The following FCAMR variants were observed in gnomAD, a reference collection of about 807,000 sequenced individuals.
FCAMR encodes the protein high affinity immunoglobulin alpha and immunoglobulin mu Fc receptor.
In FCAMR, 51 loss-of-function variants were observed where a neutral mutation model predicts 52.2. That is an observed-to-expected ratio of 0.98 (90% CI 0.78 to 1.23). FCAMR has a LOEUF of 1.23. FCAMR is among the 50% of genes most tolerant of loss of function. The pLI, the probability that FCAMR is intolerant of heterozygous loss-of-function variation, is 0.00. For synonymous variants in FCAMR, 282 were observed against 262.0 expected, an observed-to-expected ratio of 1.08 and a Z score of -0.74; for missense variants, 719 against 712.6, an observed-to-expected ratio of 1.01 and a Z score of -0.10.
chr1:206,961,656 T>C (rs1194860976), intron 5 of FCAMR, among the ~76,000 whole-genome samples: 1 of 152,258 alleles, frequency 6.6e-6, no homozygotes, highest in African/African-American at 2.4e-5. Flanking sequence ...CCTCCTGTCA[T>C]GCTGTCTCCT....
chr1:206,962,548 G>T lies in FCAMR; in HGVS notation c.317C>A (p.Pro106Gln). Residue 106 changes from proline to glutamine, a missense_variant, in exon 5 of 8, where the codon CCA (proline) becomes CAA (glutamine). Pro to Gln is a moderately conservative substitution (Grantham distance 76). Coordinates refer to ENST00000324852, the MANE Select transcript of FCAMR (RefSeq NM_001170631.2). The part of the protein sequence containing the change: ...CWREESSFAA[P>Q]NSLKGSRLVS... ...CAGCCTTGAGCCCTTCAATGAATTT[G>T]GAGCTGCAGACAGAGAAGGAAGTCA... 1 of 1,546,676 alleles carries T rather than the reference G, an allele frequency of 6.5e-7. No homozygotes were observed. Among genetic ancestry groups the T allele is most frequent in the Non-Finnish European group, 8.8e-7 (1 of 1,142,084 alleles).
chr1:206,962,224 G>T lies in FCAMR; in HGVS notation c.641C>A (p.Thr214Asn). ...CCGTCAGCTCATACCTGCAGAGATG[G>T]TCAGATTCATGCTTAAGAACAGCAT... Reference protein sequence around the residue: ...NNMLFLSMNLTISAGPASTLP... With the variant: ...NNMLFLSMNLNISAGPASTLP... Residue 214 changes from threonine (T) to asparagine (N), a missense_variant, in exon 5 of 8, where the codon ACC becomes AAC. By Grantham distance (65) the Thr-to-Asn change is moderately conservative (BLOSUM62 0). Transcript: ENST00000324852. 1.2e-6 allele frequency: 2 copies of T among 1,614,046 alleles called. No individual in the cohort carries two copies. The highest frequency in any genetic ancestry group is 1.3e-5 in the African/African-American group (1 of 75,030).
intron 1 of FCAMR, chr1:206,969,208 C>A: frequency 2.4e-6 from 1 of 424,122 alleles, no homozygotes; most frequent in Non-Finnish European, 4.8e-6. Flanking sequence ...ATGTTGGGGC[C>A]AAAGTCTCTG....
Position 206,958,205 on chromosome 1 carries a change from G to A in FCAMR, c.*311C>T. On this transcript the variant is annotated 3_prime_UTR_variant, in exon 8 of 8. Transcript: ENST00000324852. Reference sequence around the variant, plus strand: ...TAGGGGATTTGTCACTTTCCACACTGATTGGAAGCCTCTTCTATTTTCAAA... The same window carrying A: ...TAGGGGATTTGTCACTTTCCACACTAATTGGAAGCCTCTTCTATTTTCAAA... 3.7e-6 allele frequency: 1 copy of A among 266,776 alleles called. No individual in the cohort carries two copies. Among genetic ancestry groups the A allele is most frequent in the Non-Finnish European group, 7.1e-6 (1 of 141,762 alleles). 16.5% of individuals were successfully genotyped at this position (266,776 alleles called of 1,614,324 possible).
chr1:206,968,062 G>A (rs536147555), intron 1 of FCAMR, among the ~76,000 whole-genome samples: 15 of 152,308 alleles, frequency 9.8e-5, no homozygotes, highest in Admixed American at 2.6e-4. Context: ...GATTGTGGCC[G>A]GGCACAGTGG....
Position 206,958,562 on chromosome 1 carries a change from G to A in FCAMR, c.1688C>T (p.Pro563Leu). Residue 563 changes from proline to leucine, a missense_variant, in exon 8 of 8, where the codon CCT becomes CTT. By Grantham distance (98) the Pro-to-Leu change is moderately conservative. Transcript: ENST00000324852. ...ERKMLQDDSLPAGASLTAPER... is the reference protein window; with the variant it reads ...ERKMLQDDSLLAGASLTAPER... ...TGGGGCAGTCAGGCTGGCCCCAGCA[G>A]GAAGAGAGTCATCCTGGAGCATCTT... 6.2e-7 allele frequency: 1 copy of A among 1,613,408 alleles called. No individual in the cohort carries two copies. Among genetic ancestry groups the A allele is most frequent in the Non-Finnish European group, 8.5e-7 (1 of 1,179,934 alleles).
intron 1 of FCAMR, among the ~76,000 whole-genome samples, chr1:206,968,355 G>C (rs1426297988): frequency 1.3e-5 from 2 of 151,276 alleles, no homozygotes; most frequent in Non-Finnish European, 3.0e-5. Context: ...CAACAAAAAA[G>C]ACAGAGATTG....
intron 6 of FCAMR, chr1:206,960,020 T>G: frequency 3.9e-6 from 2 of 518,790 alleles, no homozygotes; most frequent in Non-Finnish European, 6.9e-6. Flanking sequence ...CATCTGTGTG[T>G]GGGCCCTGCG....
intron 2 of FCAMR, 56 bp from the exon 3 acceptor site, chr1:206,967,168 G>A: frequency 6.4e-7 from 1 of 1,569,536 alleles, no homozygotes; most frequent in Non-Finnish European, 8.7e-7. Flanking sequence ...TGAGGGTGGT[G>A]GGACTTGAGA....
intron 6 of FCAMR, chr1:206,960,168 A>C (rs772667238): frequency 3.8e-6 from 2 of 527,738 alleles, no homozygotes; most frequent in African/African-American, 3.8e-5. Flanking sequence ...CTTTAAAAAC[A>C]GAAAGTCCTA....
At position 206,970,268 on chromosome 1, in the gene FCAMR, G is replaced by A. The variant is rs1680886414; in HGVS notation, c.-143C>T. The A allele has an allele frequency of 1.2e-6, 1 of 855,318 alleles. No individual in the cohort carries two copies. The allele number at this position is 855,318 out of a possible 1,614,324, so 53.0% of individuals were successfully genotyped here. On this transcript the variant is annotated 5_prime_UTR_variant, in exon 1 of 8. Transcript: ENST00000324852. ...TGGAAAGCAGCTGGAGCTAGCAACGGAAGGTCGGGGTGCAAGGCGTAGCTC... is the reference window on the plus strand; with the variant it reads ...TGGAAAGCAGCTGGAGCTAGCAACGAAAGGTCGGGGTGCAAGGCGTAGCTC...
In FCAMR at chr1:206,960,749, A is replaced by G. The variant is rs368619884; in HGVS notation, c.1127T>C (p.Ile376Thr). The G allele has an allele frequency of 1.4e-4, 214 of 1,552,362 alleles. 1 individual carries two copies. The African/African-American group carries it at 1.7e-3, about 12-fold the overall frequency. The stretch of plus-strand genomic sequence containing the variant: ...TTCTGAGACCAGAGCTGGTGGCCCA[A>G]TGGTTCCTAGGACCTTTTTGGCTGC... ...LDAAKKVLGTIGPPALVSETL... is the reference protein window; with the variant it reads ...LDAAKKVLGTTGPPALVSETL... The change falls in exon 6 of 8, where the codon ATT (isoleucine) becomes ACT (threonine). Residue 376 changes from isoleucine to threonine, a missense_variant. By Grantham distance (89) the Ile-to-Thr change is moderately conservative. Transcript: ENST00000324852.
intron 7 of FCAMR, chr1:206,959,021 T>A (rs1680378439): frequency 2.1e-6 from 1 of 486,694 alleles, no homozygotes; most frequent in Non-Finnish European, 4.2e-6. Context: ...ATGCGAGGTT[T>A]GATCCCAGGT....
intron 6 of FCAMR, 127 bp downstream of exon 6, chr1:206,960,295 G>A: frequency 6.1e-6 from 6 of 986,978 alleles, no homozygotes; most frequent in East Asian, 2.7e-5. Flanking sequence ...GAGGGCATCC[G>A]ATGTGTATGT....
chr1:206,968,029 C>T (rs1176270573), intron 1 of FCAMR, among the ~76,000 whole-genome samples: 2 of 152,170 alleles, frequency 1.3e-5, no homozygotes, highest in African/African-American at 4.8e-5. Flanking sequence ...GGTCTTTTAC[C>T]GCTTGCTGAT....
intron 1 of FCAMR, among the ~76,000 whole-genome samples, chr1:206,969,687 C>A (rs1269644751): frequency 6.6e-6 from 1 of 152,150 alleles, no homozygotes; most frequent in Non-Finnish European, 1.5e-5. Flanking sequence ...GGGAAGGAGT[C>A]AGTGTAGTAT....
intron 4 of FCAMR, among the ~76,000 whole-genome samples, chr1:206,963,993 G>A (rs2000059): frequency 0.072 from 10,998 of 152,242 alleles, 569 homozygotes; most frequent in Non-Finnish European, 0.11. Flanking sequence ...TTTAACACAG[G>A]AAGTACACCT....
chr1:206,960,348 GA>G (rs1680452319), intron 6 of FCAMR, 73 bp downstream of exon 6: 3 of 1,384,232 alleles, frequency 2.2e-6, no homozygotes, highest in Non-Finnish European at 2.9e-6. Flanking sequence ...AGCAGAGGGA[GA>G]GGGGCCTCCC....
intron 4 of FCAMR, 72 bp downstream of exon 4, chr1:206,965,643 G>A: frequency 1.3e-6 from 2 of 1,483,268 alleles, no homozygotes; most frequent in Non-Finnish European, 1.8e-6. Context: ...GCTGTAGGGA[G>A]CCTGACTTGG....
Sources: gnomAD v4.1 joint callset for allele counts (sites outside exome capture counted in the v4.1 genomes callset) on GRCh38, gnomAD v4.1.1 for gene constraint, MANE v1.5 for transcripts, NCBI Gene and HGNC (gene_info 2026-07-23, HGNC 2026-07-21) for gene names.